Variants in ROBO2 observed in about 807,000 individuals in gnomAD.
The protein encoded by ROBO2 is roundabout homolog 2.
A neutral mutation model predicts 160.8 loss-of-function variants in ROBO2; 53 were observed. The observed-to-expected ratio is 0.33, with a 90% CI of 0.26 to 0.41. ROBO2 has a LOEUF of 0.41. Among genes scored for constraint, ROBO2 ranks in the 10% least tolerant of loss-of-function variants. The probability of loss-of-function intolerance (pLI) is 1.00; values close to 1 mark genes in which losing one functional copy is unlikely to be tolerated. For synonymous variants in ROBO2, 664 were observed against 611.7 expected (o/e 1.09, Z -1.26); for missense variants, 1,577 against 1,722.4 (o/e 0.92, Z 1.49).
intron 2 of ROBO2, among the ~76,000 whole-genome samples, chr3:76,559,462 CCAAT>C (rs1488005611): frequency 1.3e-5 from 2 of 152,026 alleles, no homozygotes; most frequent in Non-Finnish European, 2.9e-5. Flanking sequence ...TTCGTTTTAA[CCAAT>C]CAACCAATTG....
intron 2 of ROBO2, among the ~76,000 whole-genome samples, chr3:77,462,733 G>A (rs1037309063): frequency 2.0e-5 from 3 of 150,004 alleles, no homozygotes; most frequent in Admixed American, 6.7e-5. Context: ...ATGCAGGGAA[G>A]TCTTCCTCCC....
intron 2 of ROBO2, among the ~76,000 whole-genome samples, chr3:76,776,843 G>A (rs945650570): frequency 6.6e-6 from 1 of 150,908 alleles, no homozygotes; most frequent in African/African-American, 2.4e-5. Context: ...AATTTTAATA[G>A]TATCATAAAA....
At chr3:76,275,091 A>G (rs1707842268) in intron 2 of ROBO2, among the ~76,000 whole-genome samples, 1 of 152,170 alleles carries the variant, frequency 6.6e-6, no homozygotes, top group Non-Finnish European at 1.5e-5. Context: ...GTGATTGACA[A>G]CAGTAGACAC....
At chr3:76,150,719 A>G (rs1408205369) in intron 2 of ROBO2, among the ~76,000 whole-genome samples, 5 of 152,070 alleles carry the variant, frequency 3.3e-5, no homozygotes, top group Non-Finnish European at 5.9e-5. Context: ...TTCATCCCCA[A>G]TCACACTCTG....
rs2070901021 is a variant in ROBO2 at position 77,366,550 on chromosome 3, T to A, written c.389-110864T>A. On this transcript the variant is annotated intron_variant, in intron 2 of 25. Transcript: ENST00000461745. ...ATTGTGAAAAATAAATTTCTAGGGT[T>A]CATAAGTGTCTCAGTCTGTTTATGT... Among the ~76,000 whole-genome samples the A allele has an allele frequency of 3.9e-5, 6 of 152,214 alleles. No homozygotes were observed. The South Asian group carries it at 1.2e-3, about 32-fold the overall frequency.
chr3:76,732,377 T>G (rs186650698), intron 2 of ROBO2, among the ~76,000 whole-genome samples: 1 of 152,262 alleles, frequency 6.6e-6, no homozygotes, highest in Admixed American at 6.5e-5. Context: ...ATCCTGAAGT[T>G]TCTAGGGGAA....
intron 8 of ROBO2, among the ~76,000 whole-genome samples, chr3:77,557,294 G>C (rs889196333): frequency 2.0e-5 from 3 of 151,844 alleles, no homozygotes; most frequent in Non-Finnish European, 4.4e-5. Flanking sequence ...TAATCTAGAT[G>C]ACTTTCCTTT....
chr3:76,997,490 T>C (rs1376840291), intron 2 of ROBO2, among the ~76,000 whole-genome samples: 1 of 152,190 alleles, frequency 6.6e-6, no homozygotes, highest in Admixed American at 6.5e-5. Flanking sequence ...CGTATGATGC[T>C]AAATTAGAAG....
At chr3:77,173,041 A>T (rs1218418652) in intron 2 of ROBO2, among the ~76,000 whole-genome samples, 1 of 152,210 alleles carries the variant, frequency 6.6e-6, no homozygotes, top group Admixed American at 6.5e-5. Context: ...TGGAGATGTC[A>T]GGTAGATAGA....
chr3:77,560,776 G>A (rs1482559578), intron 9 of ROBO2, among the ~76,000 whole-genome samples: 1 of 152,168 alleles, frequency 6.6e-6, no homozygotes, highest in East Asian at 1.9e-4. Context: ...ATGCAGTTAA[G>A]AAGCATTACC....
intron 17 of ROBO2, among the ~76,000 whole-genome samples, chr3:77,590,459 C>T (rs567829954): frequency 6.6e-6 from 1 of 152,228 alleles, no homozygotes; most frequent in South Asian, 2.1e-4. Context: ...CTGCCTTCAT[C>T]GCTGAAGGTA....
At chr3:77,219,519 G>T (rs1345486383) in intron 2 of ROBO2, among the ~76,000 whole-genome samples, 1 of 133,008 alleles carries the variant, frequency 7.5e-6, no homozygotes, top group African/African-American at 2.7e-5. Context: ...ATATATCTGT[G>T]TGTGTGTATA....
At chr3:77,190,076 A>G (rs1413702607) in intron 2 of ROBO2, among the ~76,000 whole-genome samples, 2 of 151,972 alleles carry the variant, frequency 1.3e-5, no homozygotes, top group Admixed American at 1.3e-4. Flanking sequence ...GGTTGATTTA[A>G]CATTGACTTT....
chr3:77,014,776 AAG>A (rs10640175), intron 2 of ROBO2, among the ~76,000 whole-genome samples: 25 of 149,710 alleles, frequency 1.7e-4, no homozygotes, highest in Non-Finnish European at 1.9e-4. Flanking sequence ...GGCCATTTGC[AAG>A]AGAGAGAGAG....
At chr3:76,037,231 A>G (rs897673419) in intron 2 of ROBO2, among the ~76,000 whole-genome samples, 1 of 151,380 alleles carries the variant, frequency 6.6e-6, no homozygotes, top group Non-Finnish European at 1.5e-5. Context: ...CACATGCTAA[A>G]TTAAAAATGC....
chr3:76,992,562 T>C (rs1194257117), intron 2 of ROBO2, among the ~76,000 whole-genome samples: 2 of 151,438 alleles, frequency 1.3e-5, no homozygotes, highest in Admixed American at 6.6e-5. Flanking sequence ...AGAAAAAAAA[T>C]CATGCACTTG....
intron 2 of ROBO2, among the ~76,000 whole-genome samples, chr3:76,873,271 A>G (rs2072316349): frequency 6.6e-6 from 1 of 152,156 alleles, no homozygotes; most frequent in Non-Finnish European, 1.5e-5. Context: ...TTATTTCAGA[A>G]CCGGAAAAAG....
intron 2 of ROBO2, among the ~76,000 whole-genome samples, chr3:76,746,457 A>C (rs971147074): frequency 1.3e-5 from 2 of 152,060 alleles, no homozygotes; most frequent in African/African-American, 2.4e-5. Context: ...CCAACAGTGT[A>C]AAAGTGTTCC....
At chr3:77,304,255 T>G (rs2153415671) in intron 2 of ROBO2, among the ~76,000 whole-genome samples, 1 of 152,310 alleles carries the variant, frequency 6.6e-6, no homozygotes, top group Middle Eastern at 3.4e-3. Context: ...CCCTTTTGTA[T>G]AACGCATGTG....
Sources: allele counts gnomAD v4.1 joint callset (sites outside exome capture counted in the v4.1 genomes callset), GRCh38; gene constraint gnomAD v4.1.1; transcripts MANE v1.5; gene names NCBI Gene and HGNC (gene_info 2026-07-23, HGNC 2026-07-21).